Variants in PLAGL1 observed in about 807,000 individuals in gnomAD.
PLAGL1 encodes PLAG1 like zinc finger 1.
PLAGL1 carries 1 observed loss-of-function variant against 4.6 expected under a neutral mutation model. The observed-to-expected ratio is 0.22, with a 90% CI of 0.08 to 1.03. The LOEUF (loss-of-function observed/expected upper bound fraction) is 1.03. Ranked by LOEUF, PLAGL1 falls within the 50% of genes least tolerant of loss-of-function variation. The probability of loss-of-function intolerance (pLI) is 0.58; values close to 1 mark genes in which losing one functional copy is unlikely to be tolerated. For missense variants in PLAGL1, 464 were observed against 570.4 expected, an observed-to-expected ratio of 0.81 and a Z score of 1.90; for synonymous variants, 240 against 237.8, an observed-to-expected ratio of 1.01 and a Z score of -0.08.
At position 143,977,470 on chromosome 6, in the gene PLAGL1, C is replaced by CTTCTTT. The variant is rs1786923060; in HGVS notation, c.-544+7664_-544+7665insAAAGAA. On this transcript the variant is annotated intron_variant, in intron 2 of 7. Transcript: ENST00000674357. Reference sequence around the variant, plus strand: ...TTTTTATTTTTTTCTTCTTCTTCTTCTTTTTTTTTTTTTTTTTTTTTGAGA... The same window carrying CTTCTTT: ...TTTTTATTTTTTTCTTCTTCTTCTTCTTCTTTTTTTTTTTTTTTTTTTTTTTTGAGA... 5.8e-5 allele frequency among the ~76,000 whole-genome samples: 4 copies of CTTCTTT among 69,314 alleles called. No homozygotes were observed. In the East Asian group the frequency reaches 1.3e-3, roughly 23 times the overall value. The allele number at this position is 69,314 out of a possible 152,430, so 45.5% of individuals were successfully genotyped here.
chr6:143,991,582 G>A (rs930450066), intron 1 of PLAGL1, among the ~76,000 whole-genome samples: 3 of 152,184 alleles, frequency 2.0e-5, no homozygotes. Flanking sequence ...CCAGGTGAGT[G>A]GAGCTCTGCC....
At position 144,034,856 on chromosome 6, in the gene PLAGL1, A is replaced by G. The variant is rs1003139236; in HGVS notation, c.-151+29612T>C. ...GAACAAAGCATCAGCTTTGTTTAAC[A>G]TCACTGAGTAGACTAATACTCCTCC... On this transcript the variant is annotated intron_variant, in intron 1 of 3. Transcript: ENST00000437412. The surrounding 1 kb of genome is among the most constrained non-coding windows in gnomAD (Gnocchi z 4.7). Among the ~76,000 whole-genome samples, 8 of 152,200 alleles carry G rather than the reference A, an allele frequency of 5.3e-5. No individual in the cohort carries two copies. Among genetic ancestry groups the G allele is most frequent in the African/African-American group, 1.9e-4 (8 of 41,454 alleles).
intron 1 of PLAGL1, among the ~76,000 whole-genome samples, chr6:143,987,370 G>A (rs1789433837): frequency 6.8e-6 from 1 of 147,582 alleles, no homozygotes; most frequent in African/African-American, 2.5e-5. Context: ...TACTTCATCA[G>A]AGGTTCTGGA....
chr6:144,045,308 G>T (rs943941254), intron 1 of PLAGL1, among the ~76,000 whole-genome samples: 3 of 152,126 alleles, frequency 2.0e-5, no homozygotes, highest in African/African-American at 4.8e-5. Context: ...GCATGTTTTT[G>T]CAGTGGCTGG....
At position 144,048,047 on chromosome 6, in the gene PLAGL1, A is replaced by G. The variant is rs1249540799; in HGVS notation, c.-151+16421T>C. On this transcript the variant is annotated intron_variant, in intron 1 of 3. Coordinates refer to the PLAGL1 transcript ENST00000437412. The surrounding 1 kb of genome is among the most constrained non-coding windows in gnomAD (Gnocchi z 4.8). ...TCAAAACAAAAGGGCTACAGGCTCCATGCAAGTCCAAAATCCAAGGGGACA... is the reference window on the plus strand; with the variant it reads ...TCAAAACAAAAGGGCTACAGGCTCCGTGCAAGTCCAAAATCCAAGGGGACA... Among the ~76,000 whole-genome samples the G allele has an allele frequency of 6.6e-6, 1 of 152,218 alleles. No individual in the cohort carries two copies. Among genetic ancestry groups the G allele is most frequent in the Non-Finnish European group, 1.5e-5 (1 of 68,036 alleles).
chr6:144,007,206 G>A (rs1247856969), intron 1 of PLAGL1: 1 of 152,138 alleles, frequency 6.6e-6, no homozygotes, highest in East Asian at 1.9e-4. Flanking sequence ...TTTTCCCTCG[G>A]TCATTAAACA....
upstream of PLAGL1, among the ~76,000 whole-genome samples, chr6:144,011,713 G>A (rs913442815): frequency 2.0e-5 from 3 of 152,226 alleles, no homozygotes; most frequent in African/African-American, 7.2e-5. The surrounding 1 kb of genome is among the most constrained non-coding windows in gnomAD (Gnocchi z 4.3). Flanking sequence ...AAAAGGGGAT[G>A]TGTGGAATTC....
At chr6:144,043,237 A>C (rs1797874457) in intron 1 of PLAGL1, among the ~76,000 whole-genome samples, 1 of 152,226 alleles carries the variant, frequency 6.6e-6, no homozygotes, top group African/African-American at 2.4e-5. Context: ...GAGAGAGGGC[A>C]TCCCTGTCTT....
rs527382254 is a variant in PLAGL1 at position 143,985,871 on chromosome 6, G to A, written c.-583-697C>T. Among the ~76,000 whole-genome samples the A allele has an allele frequency of 6.7e-6, 1 of 148,350 alleles. No individual in the cohort carries two copies. Among genetic ancestry groups the A allele is most frequent in the African/African-American group, 2.5e-5 (1 of 40,308 alleles). ...AAGAAACCTCTGAGTGCTTACCATC[G>A]GCCAAGCTACATATTATATATTATT... On this transcript the variant is annotated intron_variant, in intron 1 of 7. Transcript: ENST00000674357. The surrounding 1 kb of genome is among the most constrained non-coding windows in gnomAD (Gnocchi z 4.4).
At position 143,942,144 on chromosome 6, in the gene PLAGL1, G is replaced by C; in HGVS notation, c.672C>G (p.Thr224=). Residue 224 remains threonine (T), a synonymous_variant, in exon 8 of 8, where the codon ACC becomes ACG. Coordinates refer to ENST00000674357, the MANE Select transcript of PLAGL1 (RefSeq NM_001317162.2). The surrounding 1 kb of genome is among the most constrained non-coding windows in gnomAD (Gnocchi z 7.6). ...GGAATGAAGGCGAGATGGTGTGGAA[G>C]GTGCTCAGAAGGTCTCCGGTCTGCA... is the stretch of plus-strand genomic sequence containing the variant. ...ESLQTGDLLS[T]FHTISPSFQL... 1 of 1,614,170 alleles carries C rather than the reference G, an allele frequency of 6.2e-7. No individual in the cohort carries two copies. Among genetic ancestry groups the C allele is most frequent in the Non-Finnish European group, 8.5e-7 (1 of 1,180,016 alleles).
intron 1 of PLAGL1, among the ~76,000 whole-genome samples, chr6:144,001,095 T>C (rs567357304): frequency 6.6e-6 from 1 of 152,000 alleles, no homozygotes; most frequent in East Asian, 1.9e-4. Context: ...TTTGGAGAAA[T>C]GGCTGATTCT....
In PLAGL1 at chr6:143,962,582, G is replaced by GT. The variant is rs1439374588; in HGVS notation, c.-398-2041dup. 1.3e-5 allele frequency among the ~76,000 whole-genome samples: 2 copies of GT among 152,184 alleles called. No individual in the cohort carries two copies. Among genetic ancestry groups the GT allele is most frequent in the African/African-American group, 2.4e-5 (1 of 41,442 alleles). On this transcript the variant is annotated intron_variant, in intron 5 of 7. Coordinates refer to ENST00000674357, the MANE Select transcript of PLAGL1 (RefSeq NM_001317162.2). This position sits in a 1 kb window ranked among gnomAD's most constrained non-coding sequence, Gnocchi z 5.3. ...ATAGAGTGTATGAGTTCCAGGATGT[G>GT]TTTTTGCTGTCACAATATGTTTTTC...
intron 1 of PLAGL1, among the ~76,000 whole-genome samples, chr6:144,040,119 C>T (rs1797609391): frequency 6.6e-6 from 1 of 152,098 alleles, no homozygotes; most frequent in Non-Finnish European, 1.5e-5. Context: ...GAAGGAAGGG[C>T]TTAGGGAGGG....
At position 143,942,502 on chromosome 6, in the gene PLAGL1, C is replaced by A. The variant is rs1397588979; in HGVS notation, c.314G>T (p.Gly105Val). Residue 105 changes from glycine to valine, a missense_variant, in exon 8 of 8, where the codon GGC becomes GTC. By Grantham distance (109) the Gly-to-Val change is moderately radical (BLOSUM62 -3). Coordinates refer to ENST00000674357, the MANE Select transcript of PLAGL1 (RefSeq NM_001317162.2). This position sits in a 1 kb window ranked among gnomAD's most constrained non-coding sequence, Gnocchi z 7.6. ...ATGGAGGGCCAGGTGCCTCTTATAG[C>A]CCAGCATGGTGTTGTACTTCTTCCC... ...ECGKKYNTML[G>V]YKRHLALHAA... The A allele has an allele frequency of 6.2e-7, 1 of 1,614,136 alleles. No individual in the cohort carries two copies. Among genetic ancestry groups the A allele is most frequent in the South Asian group, 1.1e-5 (1 of 91,076 alleles).
intron 1 of PLAGL1, among the ~76,000 whole-genome samples, chr6:144,038,443 A>T (rs1351394365): frequency 6.6e-6 from 1 of 152,244 alleles, no homozygotes; most frequent in Non-Finnish European, 1.5e-5. Context: ...CTACAAAGCT[A>T]CAGTAATCAA....
rs1267437661 is a variant in PLAGL1, at chr6:143,947,378, C to T, written c.152+607G>A. The stretch of plus-strand genomic sequence containing the variant: ...TTCTTCAAATTATTATCTGAGTCCT[C>T]TTTCTAGGATACTAAACGAATCATA... On this transcript the variant is annotated intron_variant, in intron 7 of 7. Coordinates refer to ENST00000674357, the MANE Select transcript of PLAGL1 (RefSeq NM_001317162.2). This position sits in a 1 kb window ranked among gnomAD's most constrained non-coding sequence, Gnocchi z 4.3. Among the ~76,000 whole-genome samples, 2 of 152,248 alleles carry T rather than the reference C, an allele frequency of 1.3e-5. No individual in the cohort carries two copies. Among genetic ancestry groups the T allele is most frequent in the East Asian group, 3.8e-4 (2 of 5,200 alleles).
In PLAGL1 at chr6:143,985,982, T is replaced by A. The variant is rs952317177; in HGVS notation, c.-583-808A>T. On this transcript the variant is annotated intron_variant, in intron 1 of 7. Coordinates refer to ENST00000674357, the MANE Select transcript of PLAGL1 (RefSeq NM_001317162.2). This position sits in a 1 kb window ranked among gnomAD's most constrained non-coding sequence, Gnocchi z 4.4. ...TATATCAAATTATATATATATAAAA[T>A]TATATATATATATATATATATATAT... Among the ~76,000 whole-genome samples the A allele has an allele frequency of 9.0e-5, 10 of 111,574 alleles. No individual in the cohort carries two copies. Among genetic ancestry groups the A allele is most frequent in the African/African-American group, 2.4e-4 (7 of 28,906 alleles). The allele number at this position is 111,574 out of a possible 152,430, so 73.2% of individuals were successfully genotyped here. A position where few individuals can be genotyped will look rare whatever the true frequency, so the allele number is the denominator to read the frequency against.
chr6:144,024,871 T>C (rs995844895), intron 1 of PLAGL1, among the ~76,000 whole-genome samples: 2 of 152,202 alleles, frequency 1.3e-5, no homozygotes, highest in Non-Finnish European at 2.9e-5. Flanking sequence ...TATGATCCCA[T>C]ACTGATACAA....
At chr6:144,003,914 T>C (rs1228734990) in intron 1 of PLAGL1, among the ~76,000 whole-genome samples, 1 of 152,208 alleles carries the variant, frequency 6.6e-6, no homozygotes, top group Non-Finnish European at 1.5e-5. Context: ...AGCTGAGAGA[T>C]ATATGTCTAC....
Sources: gnomAD v4.1 joint callset for allele counts (sites outside exome capture counted in the v4.1 genomes callset) on GRCh38, gnomAD v4.1.1 for gene constraint, Gnocchi (gnomAD v3.1) non-coding constraint, MANE v1.5 for transcripts, NCBI Gene and HGNC (gene_info 2026-07-23, HGNC 2026-07-21) for gene names.